Variants in MLLT10 observed in about 807,000 individuals in gnomAD.
The protein encoded by MLLT10 is MLLT10 histone lysine methyltransferase DOT1L cofactor, also known as protein AF-10.
In MLLT10, 30 loss-of-function variants were observed where a neutral mutation model predicts 129.1. The ratio of observed to expected loss-of-function variants is 0.23; its 90% CI spans 0.17 to 0.32. The LOEUF (loss-of-function observed/expected upper bound fraction) is 0.32, where lower values mean the gene tolerates loss of function less well. MLLT10 is among the 10% of genes least tolerant of loss of function. The pLI is 1.00. For synonymous variants in MLLT10, 490 were observed against 446.4 expected (o/e 1.10, Z -1.23); for missense variants, 1,119 against 1,268.3 (o/e 0.88, Z 1.79).
chr10:21,620,462 T>C (rs2045698644), intron 8 of MLLT10, among the ~76,000 whole-genome samples: 1 of 152,196 alleles, frequency 6.6e-6, no homozygotes, highest in African/African-American at 2.4e-5. Context: ...GATAAACTTT[T>C]CGTAAGTTGA....
intron 8 of MLLT10, among the ~76,000 whole-genome samples, chr10:21,642,615 C>G (rs959985462): frequency 6.6e-6 from 1 of 150,670 alleles, no homozygotes; most frequent in Admixed American, 6.6e-5. Context: ...CAAGATTGAG[C>G]CACTGCACTC....
rs753762740 is a variant in MLLT10, at chr10:21,555,289, C to A, written c.240+16377C>A. Among the ~76,000 whole-genome samples the A allele has an allele frequency of 7.2e-5, 11 of 152,248 alleles. No individual in the cohort carries two copies. In the East Asian group the frequency reaches 2.1e-3, roughly 29 times the overall value. ...CCAGGCTGCGGTGCAGTGGTGTGAT[C>A]TTGGCTCACTGCAGTCCCCACCTCC... is the stretch of plus-strand genomic sequence containing the variant. On this transcript the variant is annotated intron_variant, in intron 3 of 22. Coordinates refer to ENST00000307729, the MANE Select transcript of MLLT10 (RefSeq NM_001195626.3).
intron 3 of MLLT10, among the ~76,000 whole-genome samples, chr10:21,571,506 A>G (rs2040202998): frequency 6.6e-6 from 1 of 152,162 alleles, no homozygotes; most frequent in Non-Finnish European, 1.5e-5. Context: ...CGTGCGGCCC[A>G]TTTGTTTTTT....
intron 12 of MLLT10, 77 bp downstream of exon 12, chr10:21,681,453 G>T: frequency 1.0e-6 from 1 of 965,752 alleles, no homozygotes; most frequent in Non-Finnish European, 1.6e-6. Context: ...ATGCCACCTC[G>T]GAACCTCTAA....
intron 9 of MLLT10, among the ~76,000 whole-genome samples, chr10:21,652,150 G>A (rs2131324696): frequency 6.6e-6 from 1 of 152,064 alleles, no homozygotes; most frequent in African/African-American, 2.4e-5. Flanking sequence ...CTGACCTTGT[G>A]ATCCGCCCAC....
intron 2 of MLLT10, among the ~76,000 whole-genome samples, chr10:21,537,848 C>T (rs575776616): frequency 2.6e-5 from 4 of 152,132 alleles, no homozygotes; most frequent in African/African-American, 9.7e-5. Context: ...CAGAAGTCTA[C>T]TTGGTTATTA....
intron 3 of MLLT10, among the ~76,000 whole-genome samples, chr10:21,568,585 C>T (rs868585648): frequency 5.9e-5 from 9 of 152,184 alleles, no homozygotes; most frequent in Middle Eastern, 6.8e-3. Context: ...CTTAAAAATA[C>T]TTGATATTTT....
intron 9 of MLLT10, among the ~76,000 whole-genome samples, chr10:21,663,374 T>C (rs2050408759): frequency 1.3e-5 from 2 of 151,930 alleles, no homozygotes; most frequent in African/African-American, 2.4e-5. Context: ...CTGATTTGTC[T>C]TTCCTTTTTT....
At chr10:21,688,330 A>G (rs1182862921) in intron 13 of MLLT10, among the ~76,000 whole-genome samples, 2 of 152,128 alleles carry the variant, frequency 1.3e-5, no homozygotes, top group African/African-American at 2.4e-5. Context: ...GAGCACTGCA[A>G]TTTTTTAAAT....
At chr10:21,617,319 A>G (rs1425307792) in intron 8 of MLLT10, 112 bp downstream of exon 8, 1 of 429,188 alleles carries the variant, frequency 2.3e-6, no homozygotes. Context: ...ATTGAAATAT[A>G]GAAACATTTT....
intron 10 of MLLT10, 73 bp downstream of exon 10, chr10:21,670,777 G>A: frequency 2.7e-6 from 4 of 1,488,200 alleles, no homozygotes; most frequent in Non-Finnish European, 2.7e-6. Context: ...TAAAATAATT[G>A]GTTTGTTTTT....
intron 4 of MLLT10, among the ~76,000 whole-genome samples, chr10:21,592,429 AGTTTTCTGTAGTTTTTTTTTTTTT>A (rs2042592962): frequency 6.9e-6 from 1 of 145,806 alleles, no homozygotes; most frequent in Admixed American, 6.8e-5. Flanking sequence ...TCTTTCCCTT[AGTTTTCTGTAGTTTTTTTTTTTTT>A]GTTTGTTTTT....
chr10:21,742,172 T>A lies in MLLT10; in HGVS notation c.*189T>A. On this transcript the variant is annotated 3_prime_UTR_variant, in exon 23 of 23. Transcript: ENST00000307729. Reference sequence around the variant, plus strand: ...TTCTTGTTGCTTTGTTGCACTGAAATGGAATTCCCATGCCCCTACCCCTTA... The same window carrying A: ...TTCTTGTTGCTTTGTTGCACTGAAAAGGAATTCCCATGCCCCTACCCCTTA... The A allele has an allele frequency of 1.8e-6, 1 of 551,604 alleles. No individual in the cohort carries two copies. Among genetic ancestry groups the A allele is most frequent in the Non-Finnish European group, 3.1e-6 (1 of 319,982 alleles). 34.2% of individuals were successfully genotyped at this position (551,604 alleles called of 1,614,324 possible).
chr10:21,650,431 T>G (rs2048909688), intron 8 of MLLT10, among the ~76,000 whole-genome samples: 1 of 152,162 alleles, frequency 6.6e-6, no homozygotes, highest in Admixed American at 6.5e-5. Flanking sequence ...TGAAAATATC[T>G]TACGTACTTA....
chr10:21,537,690 A>G (rs189349320), intron 2 of MLLT10, among the ~76,000 whole-genome samples: 1 of 152,026 alleles, frequency 6.6e-6, no homozygotes, highest in Non-Finnish European at 1.5e-5. Flanking sequence ...GCTGGTCTGG[A>G]ACTCCTGACC....
At chr10:21,576,491 G>A (rs1467667460) in intron 3 of MLLT10, among the ~76,000 whole-genome samples, 3 of 149,754 alleles carry the variant, frequency 2.0e-5, no homozygotes, top group African/African-American at 7.4e-5. Context: ...CACCCACCTC[G>A]GCCTCCCAAA....
intron 8 of MLLT10, among the ~76,000 whole-genome samples, chr10:21,636,081 A>AG (rs1438047720): frequency 1.3e-5 from 2 of 151,926 alleles, no homozygotes; most frequent in African/African-American, 4.8e-5. Context: ...CCTTTGACTT[A>AG]TAAGACTCAT....
intron 3 of MLLT10, among the ~76,000 whole-genome samples, chr10:21,550,408 C>G (rs2036808652): frequency 6.6e-6 from 1 of 152,164 alleles, no homozygotes; most frequent in Admixed American, 6.6e-5. Flanking sequence ...ATATAGGGAA[C>G]CCAGTTAGAG....
intron 9 of MLLT10, among the ~76,000 whole-genome samples, chr10:21,666,490 C>A (rs907797809): frequency 6.6e-6 from 1 of 151,720 alleles, no homozygotes; most frequent in Admixed American, 6.6e-5. Context: ...ATGGTGAAAC[C>A]GCTCTCTACT....
Sources: allele counts gnomAD v4.1 joint callset (sites outside exome capture counted in the v4.1 genomes callset), GRCh38; gene constraint gnomAD v4.1.1; transcripts MANE v1.5; gene names NCBI Gene and HGNC (gene_info 2026-07-23, HGNC 2026-07-21).